ANKFN1: variants seen among roughly 807,000 people sequenced by gnomAD.
ANKFN1 encodes the protein ankyrin repeat and fibronectin type III domain containing 1, also known as ankyrin repeat and fibronectin type-III domain-containing protein 1.
A neutral mutation model predicts 108.7 loss-of-function variants in ANKFN1; 74 were observed. The ratio of observed to expected loss-of-function variants is 0.68; its 90% CI spans 0.56 to 0.83. ANKFN1 has a LOEUF of 0.83. Among genes scored for constraint, ANKFN1 ranks in the 40% least tolerant of loss-of-function variants. The pLI is 0.00. For synonymous variants in ANKFN1, 547 were observed against 516.2 expected, an observed-to-expected ratio of 1.06 and a Z score of -0.81; for missense variants, 1,505 against 1,382.3, an observed-to-expected ratio of 1.09 and a Z score of -1.41.
intron 3 of ANKFN1, among the ~76,000 whole-genome samples, chr17:56,235,537 G>T (rs1383842420): frequency 1.3e-5 from 2 of 152,102 alleles, no homozygotes; most frequent in Non-Finnish European, 2.9e-5. Flanking sequence ...TGTACATGGT[G>T]TAAGGAAAGG....
chr17:56,115,928 C>T (rs1364362514), intron 4 of ANKFN1, among the ~76,000 whole-genome samples: 50 of 152,132 alleles, frequency 3.3e-4, no homozygotes, highest in Admixed American at 3.3e-3. Flanking sequence ...AGCACCTTCC[C>T]TACTAGCTAT....
chr17:56,174,853 G>A (rs1413407289), intron 1 of ANKFN1, among the ~76,000 whole-genome samples: 1 of 152,202 alleles, frequency 6.6e-6, no homozygotes, highest in Non-Finnish European at 1.5e-5. Flanking sequence ...TAACCCTGGG[G>A]ATTTGAGAGG....
chr17:56,270,046 A>G (rs2043753159), intron 3 of ANKFN1, among the ~76,000 whole-genome samples: 1 of 152,074 alleles, frequency 6.6e-6, no homozygotes, highest in African/African-American at 2.4e-5. Context: ...CCTTTTAATA[A>G]GCCATTGGGA....
chr17:56,225,055 G>C (rs1916164567), intron 2 of ANKFN1: 1 of 152,154 alleles, frequency 6.6e-6, no homozygotes, highest in African/African-American at 2.4e-5. Context: ...ATCCACATAA[G>C]AAGATCCCCA....
At chr17:56,501,621 T>C (rs1953469843) in intron 20 of ANKFN1, among the ~76,000 whole-genome samples, 1 of 152,142 alleles carries the variant, frequency 6.6e-6, no homozygotes, top group Non-Finnish European at 1.5e-5. Flanking sequence ...GAAAGAAAAC[T>C]GAGCTAATAT....
chr17:56,399,426 C>T (rs1567972608), intron 8 of ANKFN1, among the ~76,000 whole-genome samples: 1 of 151,714 alleles, frequency 6.6e-6, no homozygotes, highest in Non-Finnish European at 1.5e-5. Flanking sequence ...TGGACACAGG[C>T]TCATTTTTTT....
chr17:56,288,736 AGTAGACT>A (rs1218010632), intron 3 of ANKFN1, among the ~76,000 whole-genome samples: 2 of 152,218 alleles, frequency 1.3e-5, no homozygotes, highest in Non-Finnish European at 2.9e-5. Flanking sequence ...CCTTTAGAGT[AGTAGACT>A]CCCCAAAAAG....
chr17:56,057,845 T>C (rs1598084701), intron 4 of ANKFN1, among the ~76,000 whole-genome samples: 1 of 152,162 alleles, frequency 6.6e-6, no homozygotes, highest in African/African-American at 2.4e-5. Flanking sequence ...GGGTGTTATG[T>C]TAGAAGGCAT....
intron 1 of ANKFN1, among the ~76,000 whole-genome samples, chr17:56,162,614 G>A (rs1027177497): frequency 6.6e-6 from 1 of 152,160 alleles, no homozygotes; most frequent in Non-Finnish European, 1.5e-5. Flanking sequence ...AAGTACTGGG[G>A]TGTGGAAATT....
chr17:56,255,363 G>A (rs143493735), intron 3 of ANKFN1, among the ~76,000 whole-genome samples: 1 of 152,134 alleles, frequency 6.6e-6, no homozygotes, highest in African/African-American at 2.4e-5. Context: ...ACACCTAGGA[G>A]TAGGATTTAT....
At chr17:56,311,351 C>T (rs2045019968) in intron 3 of ANKFN1, among the ~76,000 whole-genome samples, 1 of 152,092 alleles carries the variant, frequency 6.6e-6, no homozygotes, top group Non-Finnish European at 1.5e-5. Flanking sequence ...CTGTGGGGTT[C>T]AAAAGAATTG....
intron 10 of ANKFN1, among the ~76,000 whole-genome samples, chr17:56,446,223 T>C (rs1159121337): frequency 1.3e-5 from 2 of 152,142 alleles, no homozygotes; most frequent in African/African-American, 2.4e-5. Flanking sequence ...TCTCCTCACA[T>C]TGATGGCAGC....
chr17:56,294,162 A>C (rs1413497272), intron 3 of ANKFN1, among the ~76,000 whole-genome samples: 2 of 152,218 alleles, frequency 1.3e-5, no homozygotes, highest in Non-Finnish European at 2.9e-5. Flanking sequence ...TAGCTATATA[A>C]AGAAACCAAA....
intron 1 of ANKFN1, among the ~76,000 whole-genome samples, chr17:56,153,829 C>T (rs551302936): frequency 6.6e-6 from 1 of 152,204 alleles, no homozygotes; most frequent in Admixed American, 6.5e-5. Flanking sequence ...TCTCTTTTAT[C>T]CTTATCATTT....
At chr17:56,503,007 G>C (rs2072492544) in intron 20 of ANKFN1, among the ~76,000 whole-genome samples, 1 of 152,214 alleles carries the variant, frequency 6.6e-6, no homozygotes, top group South Asian at 2.1e-4. Flanking sequence ...AGGACCCAAG[G>C]GGGAAAGTTG....
chr17:56,388,415 A>C (rs987012395), intron 8 of ANKFN1, among the ~76,000 whole-genome samples: 1 of 146,020 alleles, frequency 6.8e-6, no homozygotes, highest in Non-Finnish European at 1.5e-5. Context: ...TACAGGCATG[A>C]GTCACTGCAC....
At chr17:56,157,416 G>C (rs376295393) in intron 1 of ANKFN1, among the ~76,000 whole-genome samples, 8 of 152,092 alleles carry the variant, frequency 5.3e-5, no homozygotes, top group African/African-American at 1.9e-4. Flanking sequence ...TGGACCTCAG[G>C]GCTGCTCATC....
chr17:56,262,030 A>G (rs2043525079), intron 3 of ANKFN1, among the ~76,000 whole-genome samples: 1 of 152,214 alleles, frequency 6.6e-6, no homozygotes, highest in Admixed American at 6.5e-5. Context: ...TTCAAGATCA[A>G]CGTGGAGAGA....
intron 3 of ANKFN1, among the ~76,000 whole-genome samples, chr17:56,239,461 C>A (rs1201965990): frequency 1.3e-5 from 2 of 152,150 alleles, no homozygotes. Flanking sequence ...ATCATTACAA[C>A]ATTGTATGCA....
Sources: allele counts gnomAD v4.1 joint callset (sites outside exome capture counted in the v4.1 genomes callset), GRCh38; gene constraint gnomAD v4.1.1; transcripts MANE v1.5; gene names NCBI Gene and HGNC (gene_info 2026-07-23, HGNC 2026-07-21).